The following SNX29 variants were observed in gnomAD, a reference collection of about 807,000 sequenced individuals.
SNX29 encodes the protein sorting nexin-29.
Under a neutral mutation model 102.1 loss-of-function variants are expected in SNX29, and 78 were observed. The observed-to-expected ratio is 0.76, with a 90% confidence interval of 0.64 to 0.92. The LOEUF is 0.92. Ranked by LOEUF, SNX29 falls within the 40% of genes least tolerant of loss-of-function variation. The pLI is 0.00. For synonymous variants in SNX29, 580 were observed against 414.5 expected (o/e 1.40, Z -4.85); for missense variants, 1,280 against 1,061.7 (o/e 1.21, Z -2.86).
chr16:12,458,041 AT>A (rs917274834), intron 18 of SNX29, among the ~76,000 whole-genome samples: 5 of 152,186 alleles, frequency 3.3e-5, no homozygotes, highest in African/African-American at 9.7e-5. Context: ...CCTAAATTGG[AT>A]GCTTTTCAAA....
chr16:12,406,910 A>C (rs1316979463), intron 18 of SNX29, among the ~76,000 whole-genome samples: 1 of 152,190 alleles, frequency 6.6e-6, no homozygotes, highest in Non-Finnish European at 1.5e-5. Flanking sequence ...CTCTGTCTCA[A>C]AAAGAAAGAA....
intron 18 of SNX29, among the ~76,000 whole-genome samples, chr16:12,450,891 T>G (rs77656198): frequency 1.3e-5 from 2 of 151,824 alleles, no homozygotes; most frequent in African/African-American, 4.8e-5. Flanking sequence ...CCAGAACACA[T>G]GAGGAGGTAG....
chr16:12,505,208 G>C (rs1192951976), intron 19 of SNX29, among the ~76,000 whole-genome samples: 1 of 152,226 alleles, frequency 6.6e-6, no homozygotes. Context: ...GAGTGGAACT[G>C]CCAGGTCATG....
Position 12,243,048 on chromosome 16 carries a change from C to T in SNX29, c.1679-34885C>T, listed in dbSNP as rs2271268. On this transcript the variant is annotated intron_variant, in intron 14 of 20. Coordinates refer to ENST00000566228, the MANE Select transcript of SNX29 (RefSeq NM_032167.5). The stretch of plus-strand genomic sequence containing the variant: ...GAGGCTCCTGGGGAGTGGCAGTTCA[C>T]ATGTCCGTCTTTCACGTGTCCTGGC... Among the ~76,000 whole-genome samples, 12 of 152,310 alleles carry T rather than the reference C, an allele frequency of 7.9e-5. No individual in the cohort carries two copies. In the East Asian group the frequency reaches 2.3e-3, roughly 29 times the overall value.
chr16:12,540,387 T>G (rs2077276896), intron 20 of SNX29, among the ~76,000 whole-genome samples: 1 of 152,200 alleles, frequency 6.6e-6, no homozygotes, highest in African/African-American at 2.4e-5. Flanking sequence ...CCTACCAAAT[T>G]GGCACAAAGT....
chr16:12,557,909 G>C (rs772534322), intron 20 of SNX29, among the ~76,000 whole-genome samples: 1 of 152,202 alleles, frequency 6.6e-6, no homozygotes, highest in African/African-American at 2.4e-5. Flanking sequence ...GGATTCTCAA[G>C]TCGTCAGGGC....
intron 16 of SNX29, among the ~76,000 whole-genome samples, chr16:12,371,821 G>A (rs1306587377): frequency 6.6e-6 from 1 of 152,146 alleles, no homozygotes; most frequent in Admixed American, 6.5e-5. Context: ...TGGCGAAGCA[G>A]GACCTGACTC....
intron 20 of SNX29, among the ~76,000 whole-genome samples, chr16:12,542,190 C>A (rs1409073901): frequency 6.6e-6 from 1 of 152,178 alleles, no homozygotes; most frequent in Non-Finnish European, 1.5e-5. Context: ...TAAGCCTTTT[C>A]CACACAGGGT....
intron 16 of SNX29, among the ~76,000 whole-genome samples, chr16:12,391,408 T>C (rs1293896329): frequency 6.6e-6 from 1 of 152,238 alleles, no homozygotes; most frequent in African/African-American, 2.4e-5. Context: ...AAGACAGTAC[T>C]GTTACATCAT....
chr16:12,500,878 C>G (rs1296820580), intron 19 of SNX29, among the ~76,000 whole-genome samples: 3 of 152,184 alleles, frequency 2.0e-5, no homozygotes, highest in African/African-American at 7.2e-5. Context: ...TTCCTGTCTC[C>G]TTCCTCCCCG....
At chr16:12,364,869 C>T (rs1402242779) in intron 16 of SNX29, among the ~76,000 whole-genome samples, 2 of 152,158 alleles carry the variant, frequency 1.3e-5, no homozygotes, top group African/African-American at 2.4e-5. Flanking sequence ...GCTGTCGGCT[C>T]CTTCCCCACC....
At chr16:11,993,974 A>G (rs184050795) in intron 1 of SNX29, among the ~76,000 whole-genome samples, 3 of 152,306 alleles carry the variant, frequency 2.0e-5, no homozygotes, top group African/African-American at 7.2e-5. Flanking sequence ...TACAAAAATT[A>G]GCTGGGCATG....
At chr16:12,186,961 G>A (rs1329961989) in intron 13 of SNX29, among the ~76,000 whole-genome samples, 3 of 152,214 alleles carry the variant, frequency 2.0e-5, no homozygotes, top group African/African-American at 7.2e-5. Flanking sequence ...AGTGGCCGGG[G>A]CTGACTGTGG....
intron 20 of SNX29, among the ~76,000 whole-genome samples, chr16:12,565,797 C>G (rs534654402): frequency 6.6e-6 from 1 of 152,212 alleles, no homozygotes. Context: ...GGGCCCTTTA[C>G]ACAGCAACCC....
chr16:12,527,967 T>G (rs9929012), intron 20 of SNX29, among the ~76,000 whole-genome samples: 93,855 of 150,404 alleles, frequency 0.62, 32,248 homozygotes, highest in East Asian at 1. Context: ...TGGGACTACA[T>G]GTGCCCACCA....
At chr16:12,533,919 A>G (rs2076999178) in intron 20 of SNX29, among the ~76,000 whole-genome samples, 2 of 152,208 alleles carry the variant, frequency 1.3e-5, no homozygotes, top group South Asian at 4.1e-4. Context: ...TCTTCATATA[A>G]AATCTGATGT....
At chr16:12,058,439 C>T (rs1382265320) in intron 8 of SNX29, among the ~76,000 whole-genome samples, 5 of 149,058 alleles carry the variant, frequency 3.4e-5, no homozygotes, top group Non-Finnish European at 7.4e-5. Flanking sequence ...TTTAATGTCA[C>T]TCATTTTGAG....
At chr16:12,460,490 C>T (rs975281164) in intron 18 of SNX29, among the ~76,000 whole-genome samples, 11 of 152,142 alleles carry the variant, frequency 7.2e-5, no homozygotes, top group African/African-American at 2.7e-4. Context: ...CTCCCCCTGG[C>T]CAGCTCCTCT....
At chr16:12,075,086 C>G (rs377474523) in intron 10 of SNX29, among the ~76,000 whole-genome samples, 1 of 152,132 alleles carries the variant, frequency 6.6e-6, no homozygotes, top group Admixed American at 6.5e-5. Context: ...TCAAAGTTTT[C>G]AACTTCTTTG....
Sources: allele counts gnomAD v4.1 joint callset (sites outside exome capture counted in the v4.1 genomes callset), GRCh38; gene constraint gnomAD v4.1.1; transcripts MANE v1.5; gene names NCBI Gene and HGNC (gene_info 2026-07-23, HGNC 2026-07-21).